ROBO1: variants seen among roughly 807,000 people sequenced by gnomAD.
The protein encoded by ROBO1 is roundabout homolog 1.
In ROBO1, 149 loss-of-function variants were observed where a neutral mutation model predicts 195.9. The observed-to-expected ratio is 0.76, with a 90% CI of 0.67 to 0.87. The LOEUF (loss-of-function observed/expected upper bound fraction) is 0.87. ROBO1 is among the 40% of genes least tolerant of loss of function. The pLI is 0.00. For missense variants in ROBO1, 1,933 were observed against 2,068.3 expected (o/e 0.93, Z 1.27); for synonymous variants, 816 against 733.2 (o/e 1.11, Z -1.82).
intron 2 of ROBO1, among the ~76,000 whole-genome samples, chr3:79,499,644 A>G (rs564421050): frequency 2.0e-5 from 3 of 152,326 alleles, no homozygotes; most frequent in South Asian, 4.1e-4. Flanking sequence ...AAATTAAAAC[A>G]TTAACAGAAT....
At chr3:79,484,753 A>ATTTTTTTTTTTTTTTTTTTTTTTTTT (rs1402757273) in intron 2 of ROBO1, among the ~76,000 whole-genome samples, 4 of 17,696 alleles carry the variant, frequency 2.3e-4, no homozygotes, top group Admixed American at 7.0e-4. Flanking sequence ...TCATTGCACT[A>ATTTTTTTTTTTTTTTTTTTTTTTTTT]TCTTTTTTTT....
intron 3 of ROBO1, among the ~76,000 whole-genome samples, chr3:78,943,563 T>G (rs550981318): frequency 6.6e-6 from 1 of 152,188 alleles, no homozygotes; most frequent in Non-Finnish European, 1.5e-5. Context: ...TAGGCATTGC[T>G]TCAAGGAAGA....
chr3:79,564,316 C>G (rs1943021838), intron 2 of ROBO1, among the ~76,000 whole-genome samples: 1 of 152,040 alleles, frequency 6.6e-6, no homozygotes. Context: ...GGCCAGTGGA[C>G]TTTCAGTGCT....
Position 78,852,954 on chromosome 3 carries a change from A to G in ROBO1, c.499+85647T>C, listed in dbSNP as rs371437690. ...TAGAATGGTTCATAGGTTTATGCAT[A>G]TAAAAAAGAAGGTGGCATTAAAAAC... is the stretch of plus-strand genomic sequence containing the variant. On this transcript the variant is annotated intron_variant, in intron 4 of 30. Transcript: ENST00000464233. Among the ~76,000 whole-genome samples, 4 of 152,196 alleles carry G rather than the reference A, an allele frequency of 2.6e-5. No individual in the cohort carries two copies. The East Asian group carries it at 7.7e-4, about 29-fold the overall frequency.
At chr3:79,089,523 T>A (rs557484858) in intron 3 of ROBO1, among the ~76,000 whole-genome samples, 3 of 152,332 alleles carry the variant, frequency 2.0e-5, no homozygotes, top group Non-Finnish European at 4.4e-5. Context: ...ATTTGTTCAC[T>A]GAATTATCAT....
chr3:79,569,826 C>T (rs1013331590), intron 2 of ROBO1, among the ~76,000 whole-genome samples: 7 of 151,986 alleles, frequency 4.6e-5, no homozygotes, highest in East Asian at 1.9e-4. Context: ...CGGCCTGGCA[C>T]GGTGGCTCAC....
At chr3:79,518,331 GAAGA>G (rs1431221079) in intron 2 of ROBO1, among the ~76,000 whole-genome samples, 1 of 152,058 alleles carries the variant, frequency 6.6e-6, no homozygotes, top group Non-Finnish European at 1.5e-5. Flanking sequence ...AAGGGGAAGG[GAAGA>G]AGACAAATAT....
intron 1 of ROBO1, among the ~76,000 whole-genome samples, chr3:79,761,928 C>T (rs1704720935): frequency 6.6e-6 from 1 of 152,136 alleles, no homozygotes; most frequent in Non-Finnish European, 1.5e-5. Context: ...TCAAGTGCCC[C>T]ACCCCCATAT....
chr3:79,465,003 T>C (rs1325293091), intron 2 of ROBO1, among the ~76,000 whole-genome samples: 2 of 152,158 alleles, frequency 1.3e-5, no homozygotes, highest in African/African-American at 4.8e-5. Flanking sequence ...TTAAAGAATG[T>C]GTGACATTTT....
intron 4 of ROBO1, among the ~76,000 whole-genome samples, chr3:78,923,206 C>T (rs1378306621): frequency 1.3e-5 from 2 of 152,140 alleles, no homozygotes; most frequent in Non-Finnish European, 1.5e-5. Context: ...AGAGTACATT[C>T]ATTCACTAAA....
chr3:79,667,885 A>C (rs1560084196), intron 1 of ROBO1, among the ~76,000 whole-genome samples: 1 of 151,838 alleles, frequency 6.6e-6, no homozygotes, highest in Non-Finnish European at 1.5e-5. Context: ...CTCAAAAAAA[A>C]ATCTCATTTG....
At chr3:79,165,231 TC>T (rs2081041165) in intron 2 of ROBO1, among the ~76,000 whole-genome samples, 1 of 152,162 alleles carries the variant, frequency 6.6e-6, no homozygotes, top group Admixed American at 6.5e-5. Context: ...TTTATTAGAG[TC>T]AGCATGTTTT....
intron 1 of ROBO1, among the ~76,000 whole-genome samples, chr3:79,597,585 A>T (rs1287318464): frequency 1.3e-5 from 2 of 152,034 alleles, no homozygotes; most frequent in Non-Finnish European, 2.9e-5. Flanking sequence ...CTCTTTCCTC[A>T]TAGAAACAGG....
chr3:78,863,341 T>C (rs2107029060), intron 4 of ROBO1, among the ~76,000 whole-genome samples: 1 of 152,252 alleles, frequency 6.6e-6, no homozygotes, highest in African/African-American at 2.4e-5. Flanking sequence ...CTCTCTCCTA[T>C]TTTATATAGC....
intron 1 of ROBO1, among the ~76,000 whole-genome samples, chr3:79,704,426 T>A (rs1050916641): frequency 1.3e-5 from 2 of 152,010 alleles, no homozygotes; most frequent in Non-Finnish European, 2.9e-5. Context: ...ATCATATGAC[T>A]AGAATCATAC....
intron 5 of ROBO1, among the ~76,000 whole-genome samples, chr3:78,742,434 T>G (rs2082555459): frequency 6.6e-6 from 1 of 152,202 alleles, no homozygotes; most frequent in Non-Finnish European, 1.5e-5. Flanking sequence ...CTGTTTATGT[T>G]CTAAGTTTTT....
chr3:78,790,857 T>A (rs965344187), intron 4 of ROBO1, among the ~76,000 whole-genome samples: 1 of 152,156 alleles, frequency 6.6e-6, no homozygotes, highest in Admixed American at 6.5e-5. Context: ...CTAGGTCACA[T>A]ATGTAGACCT....
chr3:78,852,247 T>C (rs1189363487), intron 4 of ROBO1, among the ~76,000 whole-genome samples: 6 of 152,144 alleles, frequency 3.9e-5, no homozygotes, highest in Non-Finnish European at 7.4e-5. Context: ...TAAGTAGAAG[T>C]GCAAAGATGA....
At chr3:78,845,044 G>A (rs1366277837) in intron 4 of ROBO1, among the ~76,000 whole-genome samples, 2 of 152,036 alleles carry the variant, frequency 1.3e-5, no homozygotes. Flanking sequence ...ATTTGATTTG[G>A]TTAGAATTCC....
Sources: allele counts gnomAD v4.1 joint callset (sites outside exome capture counted in the v4.1 genomes callset), GRCh38; gene constraint gnomAD v4.1.1; transcripts MANE v1.5; gene names NCBI Gene and HGNC (gene_info 2026-07-23, HGNC 2026-07-21).